Variants in PAK1 observed in about 807,000 individuals in gnomAD.
PAK1 encodes p21 (RAC1) activated kinase 1.
PAK1 carries 29 observed loss-of-function variants against 67.4 expected under a neutral mutation model. The ratio of observed to expected loss-of-function variants is 0.43; its 90% CI spans 0.32 to 0.59. The LOEUF (loss-of-function observed/expected upper bound fraction) is 0.59, where lower values mean the gene tolerates loss of function less well. Ranked by LOEUF, PAK1 falls within the 20% of genes least tolerant of loss-of-function variation. The pLI is 0.07. For missense variants in PAK1, 337 were observed against 670.7 expected (o/e 0.50, Z 5.50); for synonymous variants, 223 against 237.4 (o/e 0.94, Z 0.56).
At chr11:77,370,672 T>C (rs773644093) in intron 5 of PAK1, among the ~76,000 whole-genome samples, 20 of 152,220 alleles carry the variant, frequency 1.3e-4, no homozygotes, top group African/African-American at 2.4e-4. Context: ...CTCACAACAG[T>C]TGATTTATGT....
intron 7 of PAK1, among the ~76,000 whole-genome samples, chr11:77,354,065 T>G (rs1183286641): frequency 6.6e-6 from 1 of 152,126 alleles, no homozygotes; most frequent in Non-Finnish European, 1.5e-5. Flanking sequence ...AAAAAAAGAC[T>G]GGAAAAACTT....
rs1944189857 is a variant in PAK1, at chr11:77,344,997, A to C, written c.886-1066T>G. Among the ~76,000 whole-genome samples the C allele has an allele frequency of 2.0e-5, 3 of 152,288 alleles. No individual in the cohort carries two copies. The South Asian group carries it at 6.2e-4, about 32-fold the overall frequency. On this transcript the variant is annotated intron_variant, in intron 9 of 14. Transcript: ENST00000356341. Reference sequence around the variant, plus strand: ...TCAGAATCTTCTCTTCATCTGGAACAGCCTGTATCATTTCCATACATTCAA... The same window carrying C: ...TCAGAATCTTCTCTTCATCTGGAACCGCCTGTATCATTTCCATACATTCAA...
At chr11:77,423,922 ACT>A (rs1955417519) in intron 1 of PAK1, among the ~76,000 whole-genome samples, 1 of 152,132 alleles carries the variant, frequency 6.6e-6, no homozygotes, top group Admixed American at 6.5e-5. Context: ...TAAGCATCAG[ACT>A]CTGAGTCTGG....
At chr11:77,333,739 A>C (rs1330480921) in intron 13 of PAK1, among the ~76,000 whole-genome samples, 3 of 152,224 alleles carry the variant, frequency 2.0e-5, no homozygotes, top group Non-Finnish European at 4.4e-5. Context: ...AATCTTTACA[A>C]GCACTCAGCA....
Position 77,391,289 on chromosome 11 carries a change from G to A in PAK1, c.190+1042C>T, listed in dbSNP as rs373757666. Among the ~76,000 whole-genome samples, 6 of 152,302 alleles carry A rather than the reference G, an allele frequency of 3.9e-5. 1 individual carries two copies. Among genetic ancestry groups the A allele is most frequent in the Admixed American group, 1.3e-4 (2 of 15,306 alleles). The stretch of plus-strand genomic sequence containing the variant: ...AAAGAGACAGAGACAAAGGAGTAAA[G>A]AGACAGAGAACTAACATTCAAATAC... On this transcript the variant is annotated intron_variant, in intron 2 of 14. Transcript: ENST00000356341.
the PAK1 span, among the ~76,000 whole-genome samples, chr11:77,492,428 G>A: frequency 6.6e-6 from 1 of 151,484 alleles, no homozygotes. Context: ...AATATGTTAT[G>A]ACCCATAAAA....
the PAK1 span, among the ~76,000 whole-genome samples, chr11:77,495,931 A>G: frequency 1.3e-5 from 2 of 152,060 alleles, no homozygotes; most frequent in African/African-American, 4.8e-5. Flanking sequence ...ATAGAGTTAC[A>G]TTTTGCAAGG....
chr11:77,406,315 CG>C (rs377070719), intron 1 of PAK1, among the ~76,000 whole-genome samples: 7 of 152,306 alleles, frequency 4.6e-5, no homozygotes, highest in African/African-American at 7.2e-5. Flanking sequence ...CAAGACCAAA[CG>C]GAACTCTTGG....
rs51500 is a variant in PAK1, at chr11:77,340,775, C to T, written c.999-12G>A. ...CTCCCACGAGGTAACTGCAGGAATA[C>T]AGATAAAGGGTGAGAGAGAACAATC... On this transcript the variant is annotated splice_polypyrimidine_tract_variant and intron_variant, in intron 10 of 14. Transcript: ENST00000356341. 0.28 allele frequency: 378,948 copies of T among 1,376,182 alleles called. 56,875 individuals carry two copies. The highest frequency in any genetic ancestry group is 0.32 in the Non-Finnish European group (303,363 of 962,846). The allele number at this position is 1,376,182 out of a possible 1,614,324, so 85.2% of individuals were successfully genotyped here.
chr11:77,358,102 C>A (rs1946286262), intron 6 of PAK1, among the ~76,000 whole-genome samples: 1 of 152,084 alleles, frequency 6.6e-6, no homozygotes, highest in African/African-American at 2.4e-5. Flanking sequence ...GTCATTCAAC[C>A]AATTTCTGTT....
chr11:77,376,596 G>A (rs907630436), intron 4 of PAK1, among the ~76,000 whole-genome samples: 1 of 151,976 alleles, frequency 6.6e-6, no homozygotes, highest in African/African-American at 2.4e-5. Flanking sequence ...AATTAGCCAG[G>A]CATAGTGGCA....
chr11:77,416,825 C>T (rs570364787), intron 1 of PAK1, among the ~76,000 whole-genome samples: 6 of 152,022 alleles, frequency 3.9e-5, no homozygotes, highest in Non-Finnish European at 7.4e-5. Context: ...TGGTGGCGGG[C>T]GCCTATAGTC....
intron 2 of PAK1, among the ~76,000 whole-genome samples, chr11:77,383,608 A>G (rs1158072604): frequency 6.6e-6 from 1 of 152,148 alleles, no homozygotes; most frequent in African/African-American, 2.4e-5. Context: ...TACAGGCATG[A>G]GCCACCACGC....
chr11:77,377,489 C>T (rs899664604), intron 4 of PAK1, among the ~76,000 whole-genome samples: 18 of 152,104 alleles, frequency 1.2e-4, no homozygotes, highest in African/African-American at 3.9e-4. Flanking sequence ...GATGTACACA[C>T]GTATCTGTAC....
At chr11:77,446,839 G>A (rs1243806095) in intron 1 of PAK1, among the ~76,000 whole-genome samples, 5 of 151,666 alleles carry the variant, frequency 3.3e-5, no homozygotes, top group African/African-American at 4.8e-5. Context: ...GACATCAGAC[G>A]GTAAGAGATT....
At position 77,355,716 on chromosome 11, in the gene PAK1, G is replaced by C; in HGVS notation, c.724C>G (p.Gln242Glu). The change falls in exon 7 of 15, where the codon CAG becomes GAG. Residue 242 changes from glutamine (Q) to glutamate (E), a missense_variant. Gln to Glu is a conservative substitution (Grantham distance 29, BLOSUM62 2). Transcript: ENST00000356341. ...TCAGACATTTTAGGCTTCTTCTTCT[G>C]CTTCTCAGTATTCCGGGTCAAAGCA... ...PDALTRNTEK[Q>E]KKKPKMSDEE... 6.2e-7 allele frequency: 1 copy of C among 1,613,536 alleles called. No homozygotes were observed. The highest frequency in any genetic ancestry group is 8.5e-7 in the Non-Finnish European group (1 of 1,179,524).
chr11:77,426,869 C>G (rs1014560419), intron 1 of PAK1, among the ~76,000 whole-genome samples: 6 of 147,352 alleles, frequency 4.1e-5, no homozygotes, highest in Non-Finnish European at 8.9e-5. Context: ...AAATTCGGTG[C>G]TATGATTATG....
rs35602138 is a variant in PAK1 at position 77,426,078 on chromosome 11, C to CTT, written c.-21-33539_-21-33538dup. ...TTCTTGACTTTTCAATTGAAGGCCT[C>CTT]TTTTTTTTTTTTTTTTTTTTTTTAC... On this transcript the variant is annotated intron_variant, in intron 1 of 14. Coordinates refer to ENST00000356341, the MANE Select transcript of PAK1 (RefSeq NM_002576.5). Among the ~76,000 whole-genome samples the CTT allele has an allele frequency of 4.1e-3, 486 of 117,198 alleles. 4 individuals carry two copies. Among genetic ancestry groups the CTT allele is most frequent in the African/African-American group, 0.015 (427 of 29,396 alleles). The allele number at this position is 117,198 out of a possible 152,430, so 76.9% of individuals were successfully genotyped here.
At chr11:77,465,000 GTGTGTGTGTGTGTCTGTGTGTGTGTC>G (rs1276815674) in intron 1 of PAK1, among the ~76,000 whole-genome samples, 2 of 147,696 alleles carry the variant, frequency 1.4e-5, no homozygotes, top group African/African-American at 2.5e-5. Flanking sequence ...GTGTGTGTGT[GTGTGTGTGTGTGTCTGTGTGTGTGTC>G]TGTGTGTGTG....
Sources: allele counts gnomAD v4.1 joint callset (sites outside exome capture counted in the v4.1 genomes callset), GRCh38; gene constraint gnomAD v4.1.1; transcripts MANE v1.5; gene names NCBI Gene and HGNC (gene_info 2026-07-23, HGNC 2026-07-21).